Variants in YIPF3 observed in about 807,000 individuals in gnomAD.
YIPF3 encodes Yip1 domain family member 3.
In YIPF3, 18 loss-of-function variants were observed where a neutral mutation model predicts 40.3. The ratio of observed to expected loss-of-function variants is 0.45; its 90% CI spans 0.31 to 0.66. YIPF3 has a LOEUF of 0.66. Ranked by LOEUF, YIPF3 falls within the 30% of genes least tolerant of loss-of-function variation. The probability of loss-of-function intolerance (pLI) is 0.07; values close to 1 mark genes in which losing one functional copy is unlikely to be tolerated. For synonymous variants in YIPF3, 190 were observed against 179.6 expected (o/e 1.06, Z -0.46); for missense variants, 406 against 452.2 (o/e 0.90, Z 0.93).
At position 43,515,660 on chromosome 6, in the gene YIPF3, G is replaced by C; in HGVS notation, c.330C>G (p.Ser110Arg). 6.2e-7 allele frequency: 1 copy of C among 1,614,042 alleles called. No individual in the cohort carries two copies. Among genetic ancestry groups the C allele is most frequent in the Non-Finnish European group, 8.5e-7 (1 of 1,180,044 alleles). Residue 110 changes from serine to arginine, a missense_variant, in exon 3 of 9, where the codon AGC becomes AGG. Coordinates refer to ENST00000372422, the MANE Select transcript of YIPF3 (RefSeq NM_015388.4). Reference sequence around the variant, plus strand: ...TGAGGATGTCGATGTTGGCGTACAAGCTGAAGGCCCTGGAGGCTTGTCTTT... The same window carrying C: ...TGAGGATGTCGATGTTGGCGTACAACCTGAAGGCCCTGGAGGCTTGTCTTT... ...AGKRQASRAFSLYANIDILRP... is the reference protein window; with the variant it reads ...AGKRQASRAFRLYANIDILRP...
chr6:43,512,418 C>T (rs370242355), intron 8 of YIPF3, 22 bp downstream of exon 8: 40 of 1,614,106 alleles, frequency 2.5e-5, no homozygotes, highest in Non-Finnish European at 3.1e-5. Flanking sequence ...TTCTCCCCCA[C>T]CCAGACCTTC....
intron 5 of YIPF3, 21 bp downstream of exon 5, chr6:43,513,338 A>C (rs754401371): frequency 2.5e-6 from 4 of 1,614,000 alleles, no homozygotes; most frequent in Admixed American, 3.3e-5. Flanking sequence ...CCACCCCCCC[A>C]AAGTTGTCTG....
intron 3 of YIPF3, chr6:43,515,194 G>A (rs539205248): frequency 2.7e-4 from 118 of 444,030 alleles, no homozygotes; most frequent in African/African-American, 2.2e-3. Context: ...GGGTTTCACC[G>A]TGTTAGCCAG....
intron 3 of YIPF3, among the ~76,000 whole-genome samples, chr6:43,514,834 CCT>C (rs1201602173): frequency 6.6e-6 from 1 of 152,058 alleles, no homozygotes; most frequent in African/African-American, 2.4e-5. Flanking sequence ...AAAACTATGC[CCT>C]GATATTTTGA....
At chr6:43,516,681 T>C in intron 1 of YIPF3, 46 bp downstream of exon 1, 1 of 1,605,402 alleles carries the variant, frequency 6.2e-7, no homozygotes, top group South Asian at 1.1e-5. Context: ...CTTCTGGACA[T>C]CGCCGGCCCT....
intron 7 of YIPF3, 78 bp downstream of exon 7, chr6:43,512,683 G>T: frequency 6.4e-7 from 1 of 1,558,332 alleles, no homozygotes; most frequent in Admixed American, 1.9e-5. Flanking sequence ...GGCTCTTTGT[G>T]AGATGGACAG....
At position 43,516,906 on chromosome 6, in the gene YIPF3, A is replaced by T. The variant is rs1792856921; in HGVS notation, c.-99T>A. ...AAGGTAGACGTCCAGGGTCGAGGAG[A>T]GGTGGGATCGGCCGGAACACAAAAA... On this transcript the variant is annotated 5_prime_UTR_variant, in exon 1 of 9. Coordinates refer to ENST00000372422, the MANE Select transcript of YIPF3 (RefSeq NM_015388.4). 2 of 1,369,652 alleles carry T rather than the reference A, an allele frequency of 1.5e-6. No individual in the cohort carries two copies. The highest frequency in any genetic ancestry group is 2.1e-5 in the Admixed American group (1 of 48,626). 84.8% of individuals were successfully genotyped at this position (1,369,652 alleles called of 1,614,324 possible).
intron 3 of YIPF3, among the ~76,000 whole-genome samples, chr6:43,514,251 A>C (rs1281252522): frequency 1.3e-5 from 2 of 152,136 alleles, no homozygotes; most frequent in African/African-American, 4.8e-5. Context: ...AAAACAAAAC[A>C]AAACAAAGAC....
intron 6 of YIPF3, 95 bp downstream of exon 6, chr6:43,512,974 T>C: frequency 6.3e-7 from 1 of 1,593,178 alleles, no homozygotes; most frequent in Non-Finnish European, 8.6e-7. Flanking sequence ...GGCCTACTCC[T>C]CCCATTCCAG....
intron 3 of YIPF3, among the ~76,000 whole-genome samples, chr6:43,514,167 G>C (rs1014784662): frequency 2.0e-5 from 3 of 152,226 alleles, no homozygotes; most frequent in Non-Finnish European, 4.4e-5. Flanking sequence ...CCTGAACCCG[G>C]GAAGCGGAGG....
In YIPF3 at chr6:43,513,010, G is replaced by T; in HGVS notation, c.666+59C>A. The T allele has an allele frequency of 2.5e-6, 4 of 1,605,564 alleles. No homozygotes were observed. The South Asian group carries it at 4.4e-5, about 18-fold the overall frequency. On this transcript the variant is annotated intron_variant, in intron 6 of 8. Transcript: ENST00000372422. ...GCTTTGGGGCCCCAGGACAGATGCC[G>T]ACCAAGGCCTGGCTACTCTTTTTAA...
intron 3 of YIPF3, among the ~76,000 whole-genome samples, chr6:43,514,171 G>A (rs1411679718): frequency 6.6e-6 from 1 of 152,216 alleles, no homozygotes; most frequent in Non-Finnish European, 1.5e-5. Context: ...AACCCGGGAA[G>A]CGGAGGTTGC....
chr6:43,513,552 TC>T, intron 4 of YIPF3, 35 bp downstream of exon 4: 4 of 1,595,884 alleles, frequency 2.5e-6, no homozygotes, highest in Non-Finnish European at 3.4e-6. Flanking sequence ...CCCTGGTGCT[TC>T]CCCCGGCTCT....
chr6:43,512,757 T>C lies in YIPF3; in HGVS notation c.780+4A>G. 6.2e-7 allele frequency: 1 copy of C among 1,612,008 alleles called. No homozygotes were observed. On this transcript the variant is annotated splice_donor_region_variant and intron_variant, in intron 7 of 8. Transcript: ENST00000372422. The stretch of plus-strand genomic sequence containing the variant: ...CACCCCTGGAAGCCTCTTGCCCAGC[T>C]TACCATGCGCAGTGTGGACAGTCCA...
rs139937480 is a variant in YIPF3 at position 43,516,335 on chromosome 6, C to T, written c.82-240G>A. On this transcript the variant is annotated intron_variant, in intron 1 of 8. Coordinates refer to ENST00000372422, the MANE Select transcript of YIPF3 (RefSeq NM_015388.4). ...CCATTCATGTCTTTCTCCTATGTTA[C>T]CTATCAAAGACTAAAAGGCTGAAAA... 297 of 935,522 alleles carry T rather than the reference C, an allele frequency of 3.2e-4. No homozygotes were observed. The African/African-American group carries it at 4.4e-3, about 14-fold the overall frequency. The allele number at this position is 935,522 out of a possible 1,614,324, so 58.0% of individuals were successfully genotyped here.
At position 43,512,206 on chromosome 6, in the gene YIPF3, G is replaced by A. The variant is rs374232019; in HGVS notation, c.1014C>T (p.Ala338=). The A allele has an allele frequency of 1.2e-5, 19 of 1,614,100 alleles. No homozygotes were observed. In the African/African-American group the frequency reaches 1.9e-4, roughly 16 times the overall value. ...AARLPTTVLN[A]TAKAVAVTLQ... The stretch of plus-strand genomic sequence containing the variant: ...GGGTCACCGCAACAGCTTTGGCTGT[G>A]GCGTTGAGGACGGTGGTGGGAAGCC... The change falls in exon 9 of 9, where the codon GCC becomes GCT. Residue 338 remains alanine, a synonymous_variant. Transcript: ENST00000372422.
chr6:43,515,671 T>C lies in YIPF3; in HGVS notation c.319A>G (p.Arg107Gly). 1 of 1,614,110 alleles carries C rather than the reference T, an allele frequency of 6.2e-7. No individual in the cohort carries two copies. The highest frequency in any genetic ancestry group is 8.5e-7 in the Non-Finnish European group (1 of 1,180,046). ...ATGTTGGCGTACAAGCTGAAGGCCC[T>C]GGAGGCTTGTCTTTTCCCAGCCTGC... ...MWQAGKRQAS[R>G]AFSLYANIDI... The change falls in exon 3 of 9, where the codon AGG becomes GGG. Residue 107 changes from arginine (R) to glycine (G), a missense_variant. Arg to Gly is a moderately radical substitution (Grantham distance 125). Coordinates refer to ENST00000372422, the MANE Select transcript of YIPF3 (RefSeq NM_015388.4).
In YIPF3 at chr6:43,513,430, CAT is replaced by C. The variant is rs1792711937; in HGVS notation, c.461_462del (p.Tyr154TrpfsTer21). 1 of 1,614,058 alleles carries C rather than the reference CAT, an allele frequency of 6.2e-7. No individual in the cohort carries two copies. The highest frequency in any genetic ancestry group is 1.3e-5 in the African/African-American group (1 of 74,912). On this transcript the variant is annotated frameshift_variant, in exon 5 of 9. Coordinates refer to ENST00000372422, the MANE Select transcript of YIPF3 (RefSeq NM_015388.4). LOFTEE classifies it high-confidence loss of function. The stretch of plus-strand genomic sequence containing the variant: ...AGAGTGAAGACCAGCATGAGAGGTC[CAT>C]AGAGTTCACCTGCAATTTTCTGTCA... ...NFPQKIAGEL[Y>X]GPLMLVFTLV... is the part of the protein sequence containing the mutation.
chr6:43,512,052 C>A lies in YIPF3; in HGVS notation c.*115G>T. 1 of 1,505,542 alleles carries A rather than the reference C, an allele frequency of 6.6e-7. No homozygotes were observed. The highest frequency in any genetic ancestry group is 9.0e-7 in the Non-Finnish European group (1 of 1,108,770). The allele number at this position is 1,505,542 out of a possible 1,614,324, so 93.3% of individuals were successfully genotyped here. A position where few individuals can be genotyped will look rare whatever the true frequency, so the allele number is the denominator to read the frequency against. On this transcript the variant is annotated 3_prime_UTR_variant, in exon 9 of 9. Coordinates refer to ENST00000372422, the MANE Select transcript of YIPF3 (RefSeq NM_015388.4). The stretch of plus-strand genomic sequence containing the variant: ...CAAGGAGGTACTTACGCAGCTACAG[C>A]TCAGTGGCAGCTGCAAACCCCATCT...
Sources: allele counts gnomAD v4.1 joint callset (sites outside exome capture counted in the v4.1 genomes callset), GRCh38; gene constraint gnomAD v4.1.1; transcripts MANE v1.5; gene names NCBI Gene and HGNC (gene_info 2026-07-23, HGNC 2026-07-21).